Variants in VPS13D observed in about 807,000 individuals in gnomAD.
VPS13D encodes the protein vacuolar protein sorting 13 homolog D, also known as intermembrane lipid transfer protein VPS13D.
Under a neutral mutation model 461.9 loss-of-function variants are expected in VPS13D, and 187 were observed. The observed-to-expected ratio is 0.40, with a 90% CI of 0.36 to 0.46. The LOEUF (loss-of-function observed/expected upper bound fraction) is 0.46, where lower values mean the gene tolerates loss of function less well. Ranked by LOEUF, VPS13D falls within the 20% of genes least tolerant of loss-of-function variation. The pLI is 0.60. For synonymous variants in VPS13D, 1,951 were observed against 1,986.3 expected (o/e 0.98, Z 0.47); for missense variants, 4,711 against 5,364.9 (o/e 0.88, Z 3.81).
chr1:12,385,681 A>G (rs1644341991), intron 59 of VPS13D, among the ~76,000 whole-genome samples: 1 of 152,248 alleles, frequency 6.6e-6, no homozygotes, highest in African/African-American at 2.4e-5. Flanking sequence ...CATCTCTGAC[A>G]TCTTCCTTCT....
intron 2 of VPS13D, among the ~76,000 whole-genome samples, chr1:12,238,614 T>G (rs909733977): frequency 1.3e-5 from 2 of 151,172 alleles, no homozygotes; most frequent in South Asian, 4.2e-4. Flanking sequence ...AGGACCACAC[T>G]AAATGGTAGC....
At chr1:12,263,520 G>A (rs189350894) in intron 13 of VPS13D, among the ~76,000 whole-genome samples, 29 of 152,272 alleles carry the variant, frequency 1.9e-4, no homozygotes, top group African/African-American at 6.7e-4. Context: ...GACAGTATTT[G>A]CCTTCTTTTT....
intron 44 of VPS13D, 103 bp from the exon 45 acceptor site, chr1:12,348,720 G>A: frequency 7.3e-7 from 1 of 1,374,982 alleles, no homozygotes. Flanking sequence ...AAGAACTATA[G>A]TAGTAATAAG....
At chr1:12,258,170 A>C in intron 10 of VPS13D, 67 bp downstream of exon 10, 1 of 1,574,982 alleles carries the variant, frequency 6.3e-7, no homozygotes, top group Non-Finnish European at 8.7e-7. Flanking sequence ...TCAAAGACTA[A>C]AGAAAATGGG....
chr1:12,413,074 G>A (rs1644749265), intron 63 of VPS13D, among the ~76,000 whole-genome samples: 1 of 152,188 alleles, frequency 6.6e-6, no homozygotes, highest in African/African-American at 2.4e-5. Flanking sequence ...CAACTGAAAA[G>A]AGACTACGCT....
Position 12,309,181 on chromosome 1 carries a change from CTAATT to C in VPS13D, c.6650+545_6650+549del, listed in dbSNP as rs1044072201. 2.7e-5 allele frequency among the ~76,000 whole-genome samples: 4 copies of C among 147,894 alleles called. No individual in the cohort carries two copies. In the East Asian group the frequency reaches 7.9e-4, roughly 29 times the overall value. ...GATACAGGTAGTTAAGCACATGATT[CTAATT>C]TAATGTTTGATTTGATCTTTTTTTT... is the stretch of plus-strand genomic sequence containing the variant. On this transcript the variant is annotated intron_variant, in intron 27 of 69. Coordinates refer to ENST00000620676, the MANE Select transcript of VPS13D (RefSeq NM_015378.4).
At chr1:12,301,067 C>T (rs1310017360) in intron 25 of VPS13D, among the ~76,000 whole-genome samples, 2 of 152,142 alleles carry the variant, frequency 1.3e-5, no homozygotes, top group Non-Finnish European at 2.9e-5. Context: ...TTAAAAACTG[C>T]CGAAAATAGC....
At chr1:12,486,278 G>C (rs1645795980) in intron 67 of VPS13D, among the ~76,000 whole-genome samples, 2 of 152,226 alleles carry the variant, frequency 1.3e-5, no homozygotes, top group Admixed American at 1.3e-4. Flanking sequence ...TGGTCGGGAG[G>C]AAGATGAGGA....
chr1:12,449,241 G>T (rs1645231345), intron 65 of VPS13D, among the ~76,000 whole-genome samples: 2 of 151,974 alleles, frequency 1.3e-5, no homozygotes, highest in South Asian at 4.1e-4. Flanking sequence ...CCCCTTTCTG[G>T]ATTCCTCCCC....
chr1:12,496,208 C>T (rs779389221), intron 67 of VPS13D, among the ~76,000 whole-genome samples: 3 of 152,160 alleles, frequency 2.0e-5, no homozygotes, highest in Non-Finnish European at 2.9e-5. Context: ...GTACTGAAGA[C>T]GTCCTTATAA....
chr1:12,257,188 A>T (rs1455572176), intron 9 of VPS13D, 101 bp downstream of exon 9: 6 of 1,026,028 alleles, frequency 5.8e-6, no homozygotes, highest in Non-Finnish European at 8.9e-6. Context: ...CCATGTTTGG[A>T]GATAAAAGTA....
At chr1:12,478,719 A>G in intron 67 of VPS13D, 1 of 450,606 alleles carries the variant, frequency 2.2e-6, no homozygotes, top group South Asian at 1.6e-5. Flanking sequence ...CTGGAGAAGC[A>G]AAGCAGTCTG....
At chr1:12,431,372 G>A (rs1217349284) in intron 65 of VPS13D, among the ~76,000 whole-genome samples, 1 of 151,328 alleles carries the variant, frequency 6.6e-6, no homozygotes, top group Non-Finnish European at 1.5e-5. Context: ...CAAATTATAG[G>A]TAGAGAAACT....
intron 36 of VPS13D, 68 bp downstream of exon 36, chr1:12,327,922 T>A: frequency 2.3e-6 from 1 of 437,114 alleles, no homozygotes; most frequent in Non-Finnish European, 3.2e-6. Context: ...ATTTGGGGCC[T>A]TTTTTTTTTT....
intron 67 of VPS13D, among the ~76,000 whole-genome samples, chr1:12,482,282 A>C (rs1645728798): frequency 6.6e-6 from 1 of 152,172 alleles, no homozygotes; most frequent in Non-Finnish European, 1.5e-5. Flanking sequence ...GCCTCCCCTT[A>C]TCCAGAAGAA....
At chr1:12,360,484 G>A (rs571060220) in intron 50 of VPS13D, among the ~76,000 whole-genome samples, 1 of 152,224 alleles carries the variant, frequency 6.6e-6, no homozygotes, top group Admixed American at 6.5e-5. Flanking sequence ...ATGTGAAGGG[G>A]GAAAGAAGCC....
At chr1:12,493,226 C>T (rs1465916000) in intron 67 of VPS13D, among the ~76,000 whole-genome samples, 3 of 150,406 alleles carry the variant, frequency 2.0e-5, no homozygotes, top group Admixed American at 1.3e-4. Context: ...CGGTGGCTCA[C>T]GCCTGTAATG....
rs57964921 is a variant in VPS13D at position 12,245,731 on chromosome 1, TA to T, written c.447+1124del. On this transcript the variant is annotated intron_variant, in intron 5 of 69. Coordinates refer to ENST00000620676, the MANE Select transcript of VPS13D (RefSeq NM_015378.4). ...GGCAACAGACCAAAACCCTGTATCT[TA>T]AAAAAAAAATAATAATTTAAAAAAG... Among the ~76,000 whole-genome samples the T allele has an allele frequency of 9.8e-4, 148 of 150,466 alleles. 4 individuals carry two copies. In the South Asian group the frequency reaches 0.029, roughly 29 times the overall value.
At position 12,324,503 on chromosome 1, in the gene VPS13D, C is replaced by CA. The variant is rs202087191; in HGVS notation, c.7990+732dup. 5.8e-3 allele frequency among the ~76,000 whole-genome samples: 862 copies of CA among 149,658 alleles called. 9 individuals are homozygous for CA. Among genetic ancestry groups the CA allele is most frequent in the African/African-American group, 0.019 (777 of 40,852 alleles). ...TAGGCAACAGAGCGAGACTCTGTCT[C>CA]AAAAAAAAAGGGGCTCTGGAGCTGG... is the stretch of plus-strand genomic sequence containing the variant. On this transcript the variant is annotated intron_variant, in intron 35 of 69. Coordinates refer to ENST00000620676, the MANE Select transcript of VPS13D (RefSeq NM_015378.4).
Sources: gnomAD v4.1 joint callset for allele counts (sites outside exome capture counted in the v4.1 genomes callset) on GRCh38, gnomAD v4.1.1 for gene constraint, MANE v1.5 for transcripts, NCBI Gene and HGNC (gene_info 2026-07-23, HGNC 2026-07-21) for gene names.